NBAS: variants seen among roughly 807,000 people sequenced by gnomAD.
NBAS encodes the protein NAG/BC035112 fusion.
A neutral mutation model predicts 302.5 loss-of-function variants in NBAS; 219 were observed. The observed-to-expected ratio is 0.72, with a 90% CI of 0.65 to 0.81. NBAS has a LOEUF of 0.81. Among genes scored for constraint, NBAS ranks in the 30% least tolerant of loss-of-function variants. The probability of loss-of-function intolerance (pLI) is 0.00; values close to 1 mark genes in which losing one functional copy is unlikely to be tolerated. For missense variants in NBAS, 2,932 were observed against 2,841.6 expected, an observed-to-expected ratio of 1.03 and a Z score of -0.72; for synonymous variants, 1,118 against 1,021.6, an observed-to-expected ratio of 1.09 and a Z score of -1.80.
the NBAS span, among the ~76,000 whole-genome samples, chr2:14,873,257 A>C: frequency 6.6e-6 from 1 of 150,578 alleles, no homozygotes; most frequent in African/African-American, 2.5e-5. Flanking sequence ...GTGCTGACTG[A>C]TGCATTTACA....
the NBAS span, among the ~76,000 whole-genome samples, chr2:15,096,477 A>G: frequency 2.0e-5 from 3 of 152,350 alleles, no homozygotes; most frequent in South Asian, 6.2e-4. Context: ...ATGAGAAAAC[A>G]CAGCAAGACC....
chr2:15,534,080 C>T (rs1663363856), intron 9 of NBAS, among the ~76,000 whole-genome samples: 1 of 152,050 alleles, frequency 6.6e-6, no homozygotes, highest in Admixed American at 6.5e-5. Flanking sequence ...GATGCAAATA[C>T]ACAGAAAAGT....
At chr2:14,927,984 C>G in the NBAS span, among the ~76,000 whole-genome samples, 3 of 152,166 alleles carry the variant, frequency 2.0e-5, no homozygotes, top group African/African-American at 7.2e-5. Context: ...GGTATTTTGT[C>G]TAAGATTTAT....
At position 15,478,281 on chromosome 2, in the gene NBAS, A is replaced by G. The variant is rs764597679; in HGVS notation, c.1092T>C (p.Tyr364=). Reference sequence around the variant, plus strand: ...GCCTCCAATCAGGATTAAGGTCATCATAGCCTGGCTAAATATGAAAATAAT... The same window carrying G: ...GCCTCCAATCAGGATTAAGGTCATCGTAGCCTGGCTAAATATGAAAATAAT... ...GEWGQNEQPG[Y]DDLNPDWRLS... is the part of the protein sequence containing the mutation. The change falls in exon 13 of 52, where the codon TAT becomes TAC. Residue 364 remains tyrosine (Y), a synonymous_variant. Transcript: ENST00000281513. 1.2e-6 allele frequency: 2 copies of G among 1,610,548 alleles called. No homozygotes were observed. Among genetic ancestry groups the G allele is most frequent in the Non-Finnish European group, 1.7e-6 (2 of 1,176,962 alleles).
rs746063396 is a variant in NBAS, at chr2:15,467,750, T to G, written c.1932A>C (p.Ser644=). 1 of 1,602,948 alleles carries G rather than the reference T, an allele frequency of 6.2e-7. No homozygotes were observed. The highest frequency in any genetic ancestry group is 1.3e-5 in the African/African-American group (1 of 74,848). ...DIDSISYEEL[S]PPDEEPAKNK... is the part of the protein sequence containing the mutation. Reference sequence around the variant, plus strand: ...TCTTGGCAGGCTCTTCATCAGGTGGTGAAAGCTCTTCATAGGAGATACTGT... The same window carrying G: ...TCTTGGCAGGCTCTTCATCAGGTGGGGAAAGCTCTTCATAGGAGATACTGT... Residue 644 remains serine, a synonymous_variant, in exon 18 of 52, where the codon TCA becomes TCC. Coordinates refer to ENST00000281513, the MANE Select transcript of NBAS (RefSeq NM_015909.4).
intron 7 of NBAS, among the ~76,000 whole-genome samples, chr2:15,537,375 T>C (rs1022919313): frequency 2.6e-5 from 4 of 152,226 alleles, no homozygotes; most frequent in Non-Finnish European, 5.9e-5. Context: ...CTTCCATTAA[T>C]TTGTCCCATG....
At chr2:15,218,989 G>T in intron 47 of NBAS, 21 bp from the exon 48 acceptor site, 2 of 1,613,876 alleles carry the variant, frequency 1.2e-6, no homozygotes, top group Non-Finnish European at 1.7e-6. Context: ...AAATCCAGAG[G>T]TATCTGTAAA....
the NBAS span, among the ~76,000 whole-genome samples, chr2:15,052,310 A>G: frequency 7.2e-5 from 11 of 152,344 alleles, no homozygotes; most frequent in South Asian, 2.1e-3. Context: ...GTGGTTTTCA[A>G]ACTCAGGTGT....
At chr2:14,878,512 G>C in the NBAS span, among the ~76,000 whole-genome samples, 1 of 152,192 alleles carries the variant, frequency 6.6e-6, no homozygotes, top group Non-Finnish European at 1.5e-5. Flanking sequence ...GAGGTCCTTA[G>C]CTGTGAGTCA....
chr2:14,878,373 G>A, the NBAS span, among the ~76,000 whole-genome samples: 2 of 152,136 alleles, frequency 1.3e-5, no homozygotes, highest in Admixed American at 6.5e-5. Context: ...TCACAGTTGT[G>A]CCAAATTAAA....
At chr2:15,536,627 T>G in intron 7 of NBAS, 76 bp from the exon 8 acceptor site, 6,239 of 910,534 alleles carry the variant, frequency 6.9e-3, no homozygotes, top group Non-Finnish European at 9.6e-3. Context: ...AATTAGAGAA[T>G]ATCTGATACA....
chr2:15,117,667 A>G, the NBAS span, among the ~76,000 whole-genome samples: 1 of 152,204 alleles, frequency 6.6e-6, no homozygotes, highest in Admixed American at 6.5e-5. Context: ...GCCTGAGAAT[A>G]TGTGCTTTTC....
At chr2:15,156,344 T>C in the NBAS span, among the ~76,000 whole-genome samples, 1 of 152,174 alleles carries the variant, frequency 6.6e-6, no homozygotes, top group Non-Finnish European at 1.5e-5. Flanking sequence ...GAGTGTGAGG[T>C]TGGCTTCACA....
chr2:14,807,217 CTTT>C, the NBAS span, among the ~76,000 whole-genome samples: 356 of 152,156 alleles, frequency 2.3e-3, no homozygotes, highest in African/African-American at 7.8e-3. Context: ...GACAGGTTTT[CTTT>C]TATTTCTAAA....
At chr2:14,798,683 CCTAGTAAATTCATCTGGAGT>C in the NBAS span, among the ~76,000 whole-genome samples, 13 of 151,864 alleles carry the variant, frequency 8.6e-5, no homozygotes, top group Non-Finnish European at 1.8e-4. Context: ...GCTACATTAC[CCTAGTAAATTCATCTGGAGT>C]CTAGTTTTCT....
intron 44 of NBAS, among the ~76,000 whole-genome samples, chr2:15,274,561 G>A (rs557472986): frequency 2.0e-5 from 3 of 152,068 alleles, no homozygotes; most frequent in South Asian, 2.1e-4. Flanking sequence ...GTTTAGCAGC[G>A]GTGTCTAGGT....
At chr2:14,781,576 C>T in the NBAS span, among the ~76,000 whole-genome samples, 19 of 151,978 alleles carry the variant, frequency 1.3e-4, no homozygotes, top group Admixed American at 1.2e-3. Flanking sequence ...GCTGCAGCAG[C>T]CAAGTCAAAG....
At chr2:15,036,964 C>G in the NBAS span, among the ~76,000 whole-genome samples, 1 of 152,158 alleles carries the variant, frequency 6.6e-6, no homozygotes, top group Non-Finnish European at 1.5e-5. Context: ...AAAGGCAGAA[C>G]TTGACTGGGA....
chr2:15,542,930 T>C (rs1663920648), intron 6 of NBAS, among the ~76,000 whole-genome samples: 1 of 152,234 alleles, frequency 6.6e-6, no homozygotes, highest in Admixed American at 6.5e-5. Flanking sequence ...ACTCAGCAGG[T>C]GTTTTGACCT....
Sources: allele counts gnomAD v4.1 joint callset (sites outside exome capture counted in the v4.1 genomes callset), GRCh38; gene constraint gnomAD v4.1.1; transcripts MANE v1.5; gene names NCBI Gene and HGNC (gene_info 2026-07-23, HGNC 2026-07-21).